LRPPRC: variants seen among roughly 807,000 people sequenced by gnomAD.
The protein encoded by LRPPRC is leucine rich pentatricopeptide repeat containing, also known as leucine-rich PPR motif-containing protein, mitochondrial.
LRPPRC carries 120 observed loss-of-function variants against 180.3 expected under a neutral mutation model. That is an observed-to-expected ratio of 0.67 (90% CI 0.57 to 0.77). The LOEUF is 0.77. LRPPRC is among the 30% of genes least tolerant of loss of function. The probability of loss-of-function intolerance (pLI) is 0.00; values close to 1 mark genes in which losing one functional copy is unlikely to be tolerated. For synonymous variants in LRPPRC, 723 were observed against 600.0 expected (o/e 1.21, Z -3.00); for missense variants, 2,012 against 1,657.2 (o/e 1.21, Z -3.72).
intron 11 of LRPPRC, among the ~76,000 whole-genome samples, chr2:43,968,363 G>A (rs1361096488): frequency 6.6e-6 from 1 of 152,156 alleles, no homozygotes; most frequent in Non-Finnish European, 1.5e-5. Context: ...TGACCTATAA[G>A]AGTCTATGCC....
intron 22 of LRPPRC, among the ~76,000 whole-genome samples, chr2:43,944,316 C>T (rs901979631): frequency 2.6e-5 from 4 of 152,070 alleles, no homozygotes; most frequent in East Asian, 1.9e-4. Context: ...GGTCTGATAC[C>T]GATAGGGCCT....
Position 43,985,212 on chromosome 2 carries a change from AGT to A in LRPPRC, c.150-2780_150-2779del, listed in dbSNP as rs545227261. Among the ~76,000 whole-genome samples, 249 of 152,262 alleles carry A rather than the reference AGT, an allele frequency of 1.6e-3. 1 individual carries two copies. The highest frequency in any genetic ancestry group is 5.8e-3 in the African/African-American group (240 of 41,570). ...ACTAGAAAAAAACCCACAATTTTTT[AGT>A]GTTTTTAGGTTTATAGAAAAATTGT... On this transcript the variant is annotated intron_variant, in intron 1 of 37. Coordinates refer to ENST00000260665, the MANE Select transcript of LRPPRC (RefSeq NM_133259.4).
chr2:43,988,972 C>T (rs181480678), intron 1 of LRPPRC, among the ~76,000 whole-genome samples: 103 of 152,196 alleles, frequency 6.8e-4, no homozygotes, highest in African/African-American at 2.4e-3. Flanking sequence ...TGGCCTCAAG[C>T]AATCCTCCCA....
Position 43,975,077 on chromosome 2 carries a change from G to T in LRPPRC, c.864+14C>A. ...AATGATTTTAAAGTATGTTTATTTA[G>T]ACATAAGTCATACCTGCTTAACATG... On this transcript the variant is annotated intron_variant, in intron 7 of 37. Coordinates refer to ENST00000260665, the MANE Select transcript of LRPPRC (RefSeq NM_133259.4). The T allele has an allele frequency of 1.2e-6, 2 of 1,610,400 alleles. No homozygotes were observed. The highest frequency in any genetic ancestry group is 1.1e-5 in the South Asian group (1 of 91,028).
rs911833077 is a variant in LRPPRC, at chr2:43,959,345, C to G, written c.1582+1196G>C. Reference sequence around the variant, plus strand: ...TTTCATACTGGACACTTTGCCTTTCCCTTACAATATTACAACAAATATTTT... The same window carrying G: ...TTTCATACTGGACACTTTGCCTTTCGCTTACAATATTACAACAAATATTTT... On this transcript the variant is annotated intron_variant, in intron 13 of 37. Transcript: ENST00000260665. The G allele has an allele frequency of 2.5e-5, 15 of 608,832 alleles. No individual in the cohort carries two copies. In the African/African-American group the frequency reaches 2.6e-4, roughly 10 times the overall value. 37.7% of individuals were successfully genotyped at this position (608,832 alleles called of 1,614,324 possible).
At chr2:43,984,142 ACTATC>A (rs1410611769) in intron 1 of LRPPRC, among the ~76,000 whole-genome samples, 1 of 152,028 alleles carries the variant, frequency 6.6e-6, no homozygotes, top group African/African-American at 2.4e-5. Context: ...TTGTTACTAA[ACTATC>A]CCCTTCTTAA....
At chr2:43,907,181 T>TA (rs1671091584) in intron 30 of LRPPRC, among the ~76,000 whole-genome samples, 1 of 152,166 alleles carries the variant, frequency 6.6e-6, no homozygotes, top group South Asian at 2.1e-4. Flanking sequence ...TCAAAGCCTG[T>TA]AACATTCTTT....
intron 27 of LRPPRC, among the ~76,000 whole-genome samples, chr2:43,923,402 G>C (rs1001901398): frequency 4.6e-5 from 7 of 152,166 alleles, no homozygotes; most frequent in Non-Finnish European, 1.0e-4. Flanking sequence ...TGAGGTGGGA[G>C]GATTTCTTGA....
rs969844728 is a variant in LRPPRC, at chr2:43,911,784, C to A, written c.3275+648G>T. Reference sequence around the variant, plus strand: ...TCAGGTGATCCACCCACCTCAGCCTCCCAAACTTGTGGGATTACGGGCATG... The same window carrying A: ...TCAGGTGATCCACCCACCTCAGCCTACCAAACTTGTGGGATTACGGGCATG... On this transcript the variant is annotated intron_variant, in intron 30 of 37. Transcript: ENST00000260665. 3.9e-5 allele frequency among the ~76,000 whole-genome samples: 6 copies of A among 152,054 alleles called. No homozygotes were observed. The South Asian group carries it at 1.0e-3, about 26-fold the overall frequency.
intron 23 of LRPPRC, among the ~76,000 whole-genome samples, chr2:43,939,310 C>A (rs201259744): frequency 7.5e-6 from 1 of 133,010 alleles, no homozygotes; most frequent in Non-Finnish European, 1.8e-5. Context: ...AAAATAAAAA[C>A]AACAACAACA....
At chr2:43,933,714 A>G (rs886847816) in intron 25 of LRPPRC, among the ~76,000 whole-genome samples, 8 of 152,218 alleles carry the variant, frequency 5.3e-5, no homozygotes, top group Non-Finnish European at 1.0e-4. Flanking sequence ...AAAAAAAAGA[A>G]GAAGAAAATT....
At chr2:43,944,564 G>C (rs1454029482) in intron 22 of LRPPRC, among the ~76,000 whole-genome samples, 1 of 151,954 alleles carries the variant, frequency 6.6e-6, no homozygotes, top group Non-Finnish European at 1.5e-5. Flanking sequence ...GAGTTAGAAA[G>C]GCGTCCTAGG....
chr2:43,984,104 A>T (rs1020377262), intron 1 of LRPPRC, among the ~76,000 whole-genome samples: 4 of 152,052 alleles, frequency 2.6e-5, no homozygotes, highest in Admixed American at 6.6e-5. Flanking sequence ...CTTACTTCCA[A>T]AAGGCATTTA....
chr2:43,912,288 G>A, intron 30 of LRPPRC, 144 bp downstream of exon 30: 4 of 707,152 alleles, frequency 5.7e-6, no homozygotes, highest in Non-Finnish European at 7.3e-6. Flanking sequence ...GATAAAGTTA[G>A]TTAACCATTT....
intron 11 of LRPPRC, among the ~76,000 whole-genome samples, chr2:43,969,849 A>AT (rs1376687206): frequency 1.3e-5 from 2 of 151,818 alleles, no homozygotes; most frequent in East Asian, 1.9e-4. Flanking sequence ...TAATTTTTCT[A>AT]TTTTTTTGTA....
intron 19 of LRPPRC, 103 bp from the exon 20 acceptor site, chr2:43,947,473 A>T: frequency 1.1e-5 from 8 of 695,742 alleles, no homozygotes; most frequent in South Asian, 1.1e-4. Flanking sequence ...TACCTTCCTA[A>T]ATGTCATAAA....
chr2:43,971,181 GTATTT>G (rs977501213), intron 11 of LRPPRC, among the ~76,000 whole-genome samples: 2 of 149,750 alleles, frequency 1.3e-5, no homozygotes, highest in Non-Finnish European at 3.0e-5. Flanking sequence ...CCTTCTTTAT[GTATTT>G]TATCCCTTTC....
At chr2:43,949,808 G>T in intron 15 of LRPPRC, 149 bp from the exon 16 acceptor site, 1 of 672,620 alleles carries the variant, frequency 1.5e-6, no homozygotes, top group Non-Finnish European at 2.7e-6. Context: ...CACCCGCCAA[G>T]GAGATTGTTT....
chr2:43,934,241 G>A lies in LRPPRC; in HGVS notation c.2685C>T (p.Phe895=). 6.2e-7 allele frequency: 1 copy of A among 1,612,500 alleles called. No individual in the cohort carries two copies. Among genetic ancestry groups the A allele is most frequent in the African/African-American group, 1.3e-5 (1 of 74,930 alleles). The change falls in exon 25 of 38, where the codon TTC becomes TTT. Residue 895 remains phenylalanine, a synonymous_variant. Coordinates refer to ENST00000260665, the MANE Select transcript of LRPPRC (RefSeq NM_133259.4). ...AATTTCCTGTTTGTAGGAAGGCAAA[G>A]AAGAGATCATAGAGCATCACCATTT... ...QGEMVMLYDL[F]FAFLQTGNYK...
Sources: gnomAD v4.1 joint callset for allele counts (sites outside exome capture counted in the v4.1 genomes callset) on GRCh38, gnomAD v4.1.1 for gene constraint, MANE v1.5 for transcripts, NCBI Gene and HGNC (gene_info 2026-07-23, HGNC 2026-07-21) for gene names.